The following RFPL2 variants were observed in gnomAD, a reference collection of about 807,000 sequenced individuals.
RFPL2 encodes ret finger protein like 2.
RFPL2 carries 13 observed loss-of-function variants against 17.8 expected under a neutral mutation model. That is an observed-to-expected ratio of 0.73 (90% CI 0.47 to 1.16). The LOEUF (loss-of-function observed/expected upper bound fraction) is 1.16, where lower values mean the gene tolerates loss of function less well. Among genes scored for constraint, RFPL2 ranks in the 50% most tolerant of loss-of-function variants. The probability of loss-of-function intolerance (pLI) is 0.00; values close to 1 mark genes in which losing one functional copy is unlikely to be tolerated. For missense variants in RFPL2, 431 were observed against 479.3 expected (o/e 0.90, Z 0.94); for synonymous variants, 189 against 180.9 (o/e 1.04, Z -0.36).
At chr22:32,193,433 C>A in intron 3 of RFPL2, 1 of 1,476,324 alleles carries the variant, frequency 6.8e-7, no homozygotes, top group Non-Finnish European at 9.0e-7. Flanking sequence ...GAGGAAGCGT[C>A]CATTCTCCTG....
At chr22:32,202,708 G>T in intron 1 of RFPL2, 158 bp from the exon 2 acceptor site, 1 of 1,282,774 alleles carries the variant, frequency 7.8e-7, no homozygotes, top group East Asian at 3.4e-5. Context: ...CTGGAGTGGG[G>T]ACTGCAGACA....
chr22:32,191,268 C>G lies in RFPL2; in HGVS notation c.641G>C (p.Arg214Thr), dbSNP rs573539442. ...CTCGGCAAGGTCTTGCCGATTCTGT[C>G]TGATGCGCCCACTTCGGACGCTCCT... ...DLRSVRSGRI[R>T]QNRQDLAERF... The change falls in exon 5 of 5, where the codon AGA (arginine) becomes ACA (threonine). Residue 214 changes from arginine (R) to threonine (T), a missense_variant. Coordinates refer to ENST00000652607, the MANE Select transcript of RFPL2 (RefSeq NM_001394555.1). 4.3e-4 allele frequency: 686 copies of G among 1,613,698 alleles called. 13 individuals are homozygous for G. The East Asian group carries it at 5.4e-3, about 13-fold the overall frequency.
At chr22:32,202,237 TCTC>T (rs1391238154) in intron 2 of RFPL2, 93 bp downstream of exon 2, 3 of 1,458,698 alleles carry the variant, frequency 2.1e-6, no homozygotes, top group Admixed American at 2.0e-5. Context: ...CATCCCCACA[TCTC>T]CTCCTCTCAC....
Position 32,191,060 on chromosome 22 carries a change from A to G in RFPL2, c.849T>C (p.Asp283=), listed in dbSNP as rs370399996. The G allele has an allele frequency of 3.1e-6, 5 of 1,613,946 alleles. No homozygotes were observed. The highest frequency in any genetic ancestry group is 1.3e-5 in the African/African-American group (1 of 75,026). ...ELGFWTVSLR[D]GGRLSATTVP... ...CCGTGGTGGCAGAGAGGCGGCCTCC[A>G]TCCCTCAAACTCACAGTCCAGAATC... is the stretch of plus-strand genomic sequence containing the variant. Residue 283 remains aspartate (D), a synonymous_variant, in exon 5 of 5, where the codon GAT becomes GAC. Transcript: ENST00000652607.
intron 2 of RFPL2, chr22:32,200,226 T>C: frequency 3.0e-6 from 1 of 331,108 alleles, no homozygotes; most frequent in Admixed American, 4.3e-5. Flanking sequence ...CCCTGAAGAA[T>C]GTTCTTAGGC....
intron 3 of RFPL2, chr22:32,193,539 G>T: frequency 3.8e-6 from 5 of 1,312,216 alleles, no homozygotes; most frequent in South Asian, 1.8e-5. Flanking sequence ...GGGAACCCCA[G>T]CAAGAGACTG....
chr22:32,195,622 ATT>A (rs1168014656), intron 2 of RFPL2, among the ~76,000 whole-genome samples: 11 of 143,182 alleles, frequency 7.7e-5, no homozygotes, highest in Non-Finnish European at 6.2e-5. Context: ...TGCCTGGCTA[ATT>A]TTTTTTTTTT....
chr22:32,192,086 C>T (rs1922719634), intron 4 of RFPL2, among the ~76,000 whole-genome samples: 1 of 152,072 alleles, frequency 6.6e-6, no homozygotes, highest in Non-Finnish European at 1.5e-5. Context: ...GAAGAGGGTT[C>T]CAAACATGAC....
chr22:32,201,663 A>G (rs373622848), intron 2 of RFPL2, among the ~76,000 whole-genome samples: 56 of 152,178 alleles, frequency 3.7e-4, no homozygotes, highest in African/African-American at 1.2e-3. Flanking sequence ...CAGGTCCCAC[A>G]TCAGGACTTT....
rs77728135 is a variant in RFPL2 at position 32,193,101 on chromosome 22, G to A, written c.357C>T (p.Ala119=). 858 of 1,612,450 alleles carry A rather than the reference G, an allele frequency of 5.3e-4. 8 individuals are homozygous for A. In the South Asian group the frequency reaches 6.6e-3, roughly 12 times the overall value. Residue 119 remains alanine, a synonymous_variant, in exon 4 of 5, where the codon GCC becomes GCT. Coordinates refer to ENST00000652607, the MANE Select transcript of RFPL2 (RefSeq NM_001394555.1). ...EKPMSLECGC[A]VCLKCINSLQ... ...GTGAATTAATGCACTTGAGGCAGACGGCGCATCCACACTCCAGGGACATTG... is the reference window on the plus strand; with the variant it reads ...GTGAATTAATGCACTTGAGGCAGACAGCGCATCCACACTCCAGGGACATTG...
intron 3 of RFPL2, 75 bp downstream of exon 3, chr22:32,194,270 C>T: frequency 1.3e-6 from 2 of 1,519,516 alleles, no homozygotes; most frequent in African/African-American, 1.4e-5. Context: ...GAATTTCTCT[C>T]ATTCATCCCC....
At position 32,191,337 on chromosome 22, in the gene RFPL2, T is replaced by C. The variant is rs368020744; in HGVS notation, c.572A>G (p.Asp191Gly). 13 of 1,613,064 alleles carry C rather than the reference T, an allele frequency of 8.1e-6. No individual in the cohort carries two copies. The highest frequency in any genetic ancestry group is 1.3e-5 in the African/African-American group (1 of 74,872). Reference protein sequence around the residue: ...MRKFQVDMTLDANTANNFLLI... With the variant: ...MRKFQVDMTLGANTANNFLLI... ...GAGGAAGTTGTTGGCTGTGTTGGCATCCAAGGTCATATCCACTGTGAAAAG... is the reference window on the plus strand; with the variant it reads ...GAGGAAGTTGTTGGCTGTGTTGGCACCCAAGGTCATATCCACTGTGAAAAG... Residue 191 changes from aspartate to glycine, a missense_variant, in exon 5 of 5, where the codon GAT (aspartate) becomes GGT (glycine). By Grantham distance (94) the Asp-to-Gly change is moderately conservative. Coordinates refer to ENST00000652607, the MANE Select transcript of RFPL2 (RefSeq NM_001394555.1).
intron 2 of RFPL2, among the ~76,000 whole-genome samples, chr22:32,201,365 G>A (rs954276564): frequency 2.0e-5 from 3 of 152,166 alleles, no homozygotes; most frequent in African/African-American, 7.2e-5. Flanking sequence ...ATGAGAATAT[G>A]CAAAGCATTT....
At chr22:32,196,267 G>A (rs773431316) in intron 2 of RFPL2, among the ~76,000 whole-genome samples, 6 of 152,172 alleles carry the variant, frequency 3.9e-5, no homozygotes, top group Non-Finnish European at 7.3e-5. Context: ...TAAAATAACA[G>A]CTTTGTTTTC....
chr22:32,194,139 C>T (rs2123768058), intron 3 of RFPL2, among the ~76,000 whole-genome samples: 1 of 152,292 alleles, frequency 6.6e-6, no homozygotes, highest in South Asian at 2.1e-4. Context: ...CTTCTCCAGC[C>T]TTGGAAGTGA....
rs755887529 is a variant in RFPL2 at position 32,193,041 on chromosome 22, G to T, written c.417C>A (p.Cys139Ter). 1.9e-6 allele frequency: 3 copies of T among 1,613,890 alleles called. No homozygotes were observed. Among genetic ancestry groups the T allele is most frequent in the Non-Finnish European group, 1.7e-6 (2 of 1,179,938 alleles). ...TCCGAGAGACCATGGAAGAGCAACA[G>T]CAAAGTAGATCCTCCCCATGGGGCT... ...QKEPHGEDLL[C>*]CCSSMVSRKN... is the part of the protein sequence containing the mutation. Residue 139 changes from cysteine to a stop codon, truncating the protein, a stop_gained, in exon 4 of 5, where the codon TGC (cysteine) becomes TGA (stop). Transcript: ENST00000652607. LOFTEE classifies it high-confidence loss of function.
intron 2 of RFPL2, chr22:32,199,928 A>C (rs969632266): frequency 5.7e-6 from 3 of 525,840 alleles, no homozygotes; most frequent in Non-Finnish European, 1.1e-5. Flanking sequence ...GGCCAGCCCA[A>C]GGCCACCCCC....
chr22:32,202,453 G>A lies in RFPL2; in HGVS notation c.-2C>T, dbSNP rs1188279842. On this transcript the variant is annotated 5_prime_UTR_variant, in exon 2 of 5. Coordinates refer to ENST00000652607, the MANE Select transcript of RFPL2 (RefSeq NM_001394555.1). ...GAAGCCTAATTCAGCCACCTCCATC[G>A]GAGGCAAATCATGGTGCCACAGGCT... The A allele has an allele frequency of 6.3e-6, 10 of 1,585,180 alleles. No individual in the cohort carries two copies. In the East Asian group the frequency reaches 1.8e-4, roughly 29 times the overall value.
intron 2 of RFPL2, chr22:32,200,049 A>G: frequency 2.2e-6 from 1 of 457,046 alleles, no homozygotes; most frequent in Non-Finnish European, 4.4e-6. Context: ...CTGGAAGGCA[A>G]ACAGCACCCC....
Sources: gnomAD v4.1 joint callset for allele counts (sites outside exome capture counted in the v4.1 genomes callset) on GRCh38, gnomAD v4.1.1 for gene constraint, MANE v1.5 for transcripts, NCBI Gene and HGNC (gene_info 2026-07-23, HGNC 2026-07-21) for gene names.